The following SDCCAG8 variants were observed in gnomAD, a reference collection of about 807,000 sequenced individuals.
The protein encoded by SDCCAG8 is SHH signaling and ciliogenesis regulator SDCCAG8.
A neutral mutation model predicts 101.8 loss-of-function variants in SDCCAG8; 74 were observed. That is an observed-to-expected ratio of 0.73 (90% CI 0.60 to 0.88). The LOEUF (loss-of-function observed/expected upper bound fraction) is 0.88, where lower values mean the gene tolerates loss of function less well. Among genes scored for constraint, SDCCAG8 ranks in the 40% least tolerant of loss-of-function variants. The pLI is 0.00. For synonymous variants in SDCCAG8, 281 were observed against 292.9 expected (o/e 0.96, Z 0.41); for missense variants, 787 against 822.6 (o/e 0.96, Z 0.53).
intron 10 of SDCCAG8, among the ~76,000 whole-genome samples, chr1:243,331,614 A>G (rs2074599817): frequency 1.3e-5 from 2 of 152,168 alleles, no homozygotes; most frequent in African/African-American, 4.8e-5. Context: ...ATTTTTAAAA[A>G]TTGTGTCTGT....
chr1:243,456,947 G>A (rs781520235), intron 16 of SDCCAG8, among the ~76,000 whole-genome samples: 2 of 152,116 alleles, frequency 1.3e-5, no homozygotes, highest in Non-Finnish European at 2.9e-5. Flanking sequence ...ATTCATCTGA[G>A]GAAAAAGCAA....
At chr1:243,348,039 T>G (rs1370392256) in intron 12 of SDCCAG8, among the ~76,000 whole-genome samples, 1 of 141,188 alleles carries the variant, frequency 7.1e-6, no homozygotes, top group Non-Finnish European at 1.5e-5. Flanking sequence ...TTTTTTTTCT[T>G]TTTTTTTTTT....
intron 16 of SDCCAG8, among the ~76,000 whole-genome samples, chr1:243,452,410 A>ATC (rs747336119): frequency 4.3e-5 from 4 of 92,612 alleles, no homozygotes; most frequent in Admixed American, 1.1e-4. Flanking sequence ...AGATGATCTC[A>ATC]TCTCTTTTTT....
At chr1:243,275,910 C>T (rs2068524882) in intron 4 of SDCCAG8, among the ~76,000 whole-genome samples, 1 of 119,602 alleles carries the variant, frequency 8.4e-6, no homozygotes, top group Admixed American at 1.1e-4. Context: ...TGTCGCCAGA[C>T]TGGAGTGCGG....
In SDCCAG8 at chr1:243,296,535, CTTTTTTTTTTT is replaced by C. The variant is rs756242066; in HGVS notation, c.675+3331_675+3341del. On this transcript the variant is annotated intron_variant, in intron 6 of 17. Transcript: ENST00000366541. Reference sequence around the variant, plus strand: ...CCCCCTGTAGTCCACCCCAACTGCTCTTTTTTTTTTTTTTTTTTTTTTTTTGAGACGGAGTC... The same window carrying C: ...CCCCCTGTAGTCCACCCCAACTGCTCTTTTTTTTTTTTTTGAGACGGAGTC... 4.0e-4 allele frequency among the ~76,000 whole-genome samples: 23 copies of C among 57,948 alleles called. No homozygotes were observed. The Admixed American group carries it at 5.6e-3, about 14-fold the overall frequency. 38.0% of individuals were successfully genotyped at this position (57,948 alleles called of 152,430 possible).
At chr1:243,435,858 G>A (rs1574030472) in intron 16 of SDCCAG8, among the ~76,000 whole-genome samples, 1 of 151,942 alleles carries the variant, frequency 6.6e-6, no homozygotes, top group African/African-American at 2.4e-5. Context: ...TTTCAGCATA[G>A]TTAGGAATAA....
At chr1:243,303,508 C>T (rs2071757100) in intron 6 of SDCCAG8, among the ~76,000 whole-genome samples, 1 of 152,170 alleles carries the variant, frequency 6.6e-6, no homozygotes, top group Non-Finnish European at 1.5e-5. Context: ...AGACCAACCC[C>T]TCCTTTTCCT....
intron 12 of SDCCAG8, among the ~76,000 whole-genome samples, chr1:243,352,490 A>C (rs2076133655): frequency 6.6e-6 from 1 of 152,236 alleles, no homozygotes; most frequent in Non-Finnish European, 1.5e-5. Flanking sequence ...CTTCTCAGGT[A>C]CCAACTCTGC....
chr1:243,495,399 C>A (rs1667557111), intron 17 of SDCCAG8, among the ~76,000 whole-genome samples: 1 of 152,242 alleles, frequency 6.6e-6, no homozygotes, highest in South Asian at 2.1e-4. Flanking sequence ...GCAGCAAAGC[C>A]AAGCCCTGCG....
At chr1:243,479,568 A>G (rs1463750816) in intron 16 of SDCCAG8, among the ~76,000 whole-genome samples, 1 of 152,214 alleles carries the variant, frequency 6.6e-6, no homozygotes, top group Admixed American at 6.5e-5. Context: ...AAATGTAAAA[A>G]TCACTCTCAA....
chr1:243,288,769 G>T (rs549024324), intron 5 of SDCCAG8, among the ~76,000 whole-genome samples: 1 of 152,238 alleles, frequency 6.6e-6, no homozygotes, highest in East Asian at 1.9e-4. Context: ...AACACTTTGG[G>T]AGACCAAGGT....
chr1:243,347,010 G>A (rs1197045317), intron 12 of SDCCAG8, among the ~76,000 whole-genome samples: 2 of 151,820 alleles, frequency 1.3e-5, no homozygotes, highest in African/African-American at 4.9e-5. Context: ...TCATCATTTT[G>A]CCAGTCCCCT....
At chr1:243,456,076 T>G (rs1381786305) in intron 16 of SDCCAG8, among the ~76,000 whole-genome samples, 3 of 152,146 alleles carry the variant, frequency 2.0e-5, no homozygotes, top group Non-Finnish European at 4.4e-5. Flanking sequence ...CCCAGTCAGT[T>G]CAGTCTCCAT....
At chr1:243,351,032 G>A (rs904736597) in intron 12 of SDCCAG8, among the ~76,000 whole-genome samples, 7 of 152,196 alleles carry the variant, frequency 4.6e-5, no homozygotes, top group African/African-American at 1.2e-4. Context: ...CTTTAAAGCT[G>A]TGTACTCTTT....
chr1:243,477,033 C>CACACAGAGAG (rs942231630), intron 16 of SDCCAG8, among the ~76,000 whole-genome samples: 3 of 150,320 alleles, frequency 2.0e-5, no homozygotes, highest in African/African-American at 7.4e-5. Context: ...CACACACACA[C>CACACAGAGAG]AGAGAGAAAG....
intron 8 of SDCCAG8, 87 bp from the exon 9 acceptor site, chr1:243,316,668 T>C (rs984454237): frequency 1.3e-6 from 2 of 1,532,098 alleles, no homozygotes; most frequent in African/African-American, 2.7e-5. Flanking sequence ...GCTCTTCTAA[T>C]ACATATTAAT....
At chr1:243,309,579 A>G (rs1245422351) in intron 8 of SDCCAG8, among the ~76,000 whole-genome samples, 1 of 152,204 alleles carries the variant, frequency 6.6e-6, no homozygotes, top group Non-Finnish European at 1.5e-5. Flanking sequence ...ATCATAGCTC[A>G]GTGCAACTTT....
intron 9 of SDCCAG8, among the ~76,000 whole-genome samples, chr1:243,320,469 C>A (rs904994150): frequency 6.6e-6 from 1 of 152,190 alleles, no homozygotes; most frequent in Admixed American, 6.5e-5. Flanking sequence ...CCCTTTTGCC[C>A]TCCAAGGCTG....
intron 16 of SDCCAG8, among the ~76,000 whole-genome samples, chr1:243,484,817 G>T (rs897832386): frequency 1.3e-5 from 2 of 152,176 alleles, no homozygotes; most frequent in East Asian, 3.9e-4. Flanking sequence ...AGGCCAAGGC[G>T]GGCAGATCAC....
Sources: allele counts gnomAD v4.1 joint callset (sites outside exome capture counted in the v4.1 genomes callset), GRCh38; gene constraint gnomAD v4.1.1; transcripts MANE v1.5; gene names NCBI Gene and HGNC (gene_info 2026-07-23, HGNC 2026-07-21).